Variants in FDPS observed in about 807,000 individuals in gnomAD.
The protein encoded by FDPS is farnesyl diphosphate synthase.
In FDPS, 29 loss-of-function variants were observed where a neutral mutation model predicts 49.5. That is an observed-to-expected ratio of 0.59 (90% CI 0.44 to 0.80). The LOEUF (loss-of-function observed/expected upper bound fraction) is 0.80. Ranked by LOEUF, FDPS falls within the 30% of genes least tolerant of loss-of-function variation. FDPS has a pLI of 0.00. For synonymous variants in FDPS, 172 were observed against 206.4 expected (o/e 0.83, Z 1.43); for missense variants, 414 against 525.6 (o/e 0.79, Z 2.08).
chr1:155,319,816 G>C lies in FDPS; in HGVS notation c.947G>C (p.Gly316Ala), dbSNP rs201526312. The C allele has an allele frequency of 3.1e-6, 5 of 1,614,094 alleles. No individual in the cohort carries two copies. In the Admixed American group the frequency reaches 6.7e-5, roughly 22 times the overall value. Residue 316 changes from glycine (G) to alanine (A), a missense_variant, in exon 10 of 11, where the codon GGG becomes GCG. By Grantham distance (60) the Gly-to-Ala change is moderately conservative. Coordinates refer to ENST00000368356, the MANE Select transcript of FDPS (RefSeq NM_002004.4). ...CAGGATGATTACCTTGACCTCTTTG[G>C]GGACCCCAGTGTGACCGGCAAAATT... ...QIQDDYLDLF[G>A]DPSVTGKIGT... is the part of the protein sequence containing the mutation.
intron 8 of FDPS, among the ~76,000 whole-genome samples, chr1:155,319,147 A>T (rs1649900135): frequency 6.6e-6 from 1 of 152,228 alleles, no homozygotes; most frequent in Non-Finnish European, 1.5e-5. Context: ...TGCTTAGCAC[A>T]TAATAGGGGA....
intron 8 of FDPS, 95 bp from the exon 9 acceptor site, chr1:155,319,516 T>G (rs1489207172): frequency 3.2e-6 from 4 of 1,251,808 alleles, no homozygotes; most frequent in Non-Finnish European, 4.6e-6. Context: ...AGGAAAGATT[T>G]GGGGCTGCAG....
chr1:155,309,616 T>TCGG, intron 1 of FDPS, 173 bp from the exon 2 acceptor site: 1 of 553,628 alleles, frequency 1.8e-6, no homozygotes, highest in Non-Finnish European at 3.1e-6. Flanking sequence ...CCATACTTTT[T>TCGG]TGTTCCCTGC....
rs1015602549 is a variant in FDPS, at chr1:155,318,347, T to C, written c.684+56T>C. 4 of 1,597,898 alleles carry C rather than the reference T, an allele frequency of 2.5e-6. No individual in the cohort carries two copies. In the African/African-American group the frequency reaches 4.0e-5, roughly 16 times the overall value. ...GGGTGCCCATGGTAGCCTTGGCCTC[T>C]ATAGGACATGCTCATCTAGCTGGTT... On this transcript the variant is annotated intron_variant, in intron 6 of 10. Coordinates refer to ENST00000368356, the MANE Select transcript of FDPS (RefSeq NM_002004.4). The surrounding 1 kb of genome is among the most constrained non-coding windows in gnomAD (Gnocchi z 4.2).
At chr1:155,312,158 G>C in intron 3 of FDPS, 97 bp from the exon 4 acceptor site, 1 of 1,424,384 alleles carries the variant, frequency 7.0e-7, no homozygotes, top group Non-Finnish European at 9.8e-7. Context: ...GGAGGATAAA[G>C]TTAGGTGGTG....
chr1:155,312,347 T>C lies in FDPS; in HGVS notation c.432T>C (p.Asp144=). 1 of 1,614,094 alleles carries C rather than the reference T, an allele frequency of 6.2e-7. No individual in the cohort carries two copies. Among genetic ancestry groups the C allele is most frequent in the African/African-American group, 1.3e-5 (1 of 75,036 alleles). ...FRELVEPRKQ[D]ADSLQRAWTV... ...AGCTGGTGGAGCCAAGGAAACAGGATGCTGATAGTCTCCAGCGGGCCTGGA... is the reference window on the plus strand; with the variant it reads ...AGCTGGTGGAGCCAAGGAAACAGGACGCTGATAGTCTCCAGCGGGCCTGGA... The change falls in exon 4 of 11, where the codon GAT becomes GAC. Residue 144 remains aspartate, a synonymous_variant. Coordinates refer to ENST00000368356, the MANE Select transcript of FDPS (RefSeq NM_002004.4).
At chr1:155,320,054 C>T in intron 10 of FDPS, 126 bp downstream of exon 10, 1 of 1,118,476 alleles carries the variant, frequency 8.9e-7, no homozygotes, top group Non-Finnish European at 1.3e-6. Context: ...TTGCCATTGT[C>T]ATTACAACTC....
chr1:155,312,847 C>T (rs1477405399), intron 4 of FDPS: 2 of 158,086 alleles, frequency 1.3e-5, no homozygotes, highest in Admixed American at 6.1e-5. Flanking sequence ...GATGTGGTGG[C>T]ACATGCCTGT....
chr1:155,320,031 C>T (rs953257548), intron 10 of FDPS, 103 bp downstream of exon 10: 6 of 1,373,720 alleles, frequency 4.4e-6, no homozygotes, highest in Non-Finnish European at 5.0e-6. Flanking sequence ...TTGGCAATGT[C>T]AGCAGACATT....
rs1309392455 is a variant in FDPS, at chr1:155,318,215, C to T, written c.608C>T (p.Ala203Val). ...DAINDANLLE[A>V]CIYRLLKLYC... ...ATCAATGATGCTAACCTCCTGGAAGCATGTATCTACCGCCTGCTGAAGCTC... is the reference window on the plus strand; with the variant it reads ...ATCAATGATGCTAACCTCCTGGAAGTATGTATCTACCGCCTGCTGAAGCTC... The change falls in exon 6 of 11, where the codon GCA becomes GTA. Residue 203 changes from alanine to valine, a missense_variant. By Grantham distance (64) the Ala-to-Val change is moderately conservative. Transcript: ENST00000368356. This position sits in a 1 kb window ranked among gnomAD's most constrained non-coding sequence, Gnocchi z 4.2. 1 of 1,614,090 alleles carries T rather than the reference C, an allele frequency of 6.2e-7. No individual in the cohort carries two copies. The highest frequency in any genetic ancestry group is 8.5e-7 in the Non-Finnish European group (1 of 1,180,014).
chr1:155,314,634 C>T (rs1649127461), intron 4 of FDPS, among the ~76,000 whole-genome samples: 1 of 151,938 alleles, frequency 6.6e-6, no homozygotes, highest in Non-Finnish European at 1.5e-5. Flanking sequence ...ACCACCACGC[C>T]CGGCTTTTTA....
intron 4 of FDPS, among the ~76,000 whole-genome samples, chr1:155,316,423 A>G (rs1381631497): frequency 2.0e-5 from 3 of 152,162 alleles, no homozygotes; most frequent in Non-Finnish European, 2.9e-5. Flanking sequence ...TTCAAGTCCA[A>G]CTTGGGCAAC....
In FDPS at chr1:155,318,164, G is replaced by C; in HGVS notation, c.562-5G>C. 6.2e-7 allele frequency: 1 copy of C among 1,614,092 alleles called. No individual in the cohort carries two copies. The highest frequency in any genetic ancestry group is 2.2e-5 in the East Asian group (1 of 44,884). ...GATTGCTTGTTTTTCTGTCTGTCAT[G>C]ACAGCCGGGCGTGGGTTTGGATGCC... On this transcript the variant is annotated splice_region_variant and splice_polypyrimidine_tract_variant and intron_variant, in intron 5 of 10. Coordinates refer to ENST00000368356, the MANE Select transcript of FDPS (RefSeq NM_002004.4). This position sits in a 1 kb window ranked among gnomAD's most constrained non-coding sequence, Gnocchi z 4.2.
rs760195975 is a variant in FDPS at position 155,317,899 on chromosome 1, C to T, written c.481-42C>T. The T allele has an allele frequency of 2.6e-6, 4 of 1,553,382 alleles. No homozygotes were observed. In the South Asian group the frequency reaches 3.4e-5, roughly 13 times the overall value. On this transcript the variant is annotated intron_variant, in intron 4 of 10. Transcript: ENST00000368356. The stretch of plus-strand genomic sequence containing the variant: ...GCAGCTCTGTTGCTGATAGAAGGAA[C>T]AGTAATGAGGAGCCCTGCAGGTCTT...
intron 10 of FDPS, 58 bp from the exon 11 acceptor site, chr1:155,320,351 G>A (rs1007147915): frequency 2.2e-6 from 3 of 1,394,310 alleles, no homozygotes; most frequent in Middle Eastern, 2.3e-4. Context: ...GGAGTGGAGG[G>A]GTCCTGGAGG....
Position 155,319,786 on chromosome 1 carries a change from C to T in FDPS, c.925-8C>T, listed in dbSNP as rs1162754467. On this transcript the variant is annotated splice_region_variant and splice_polypyrimidine_tract_variant and intron_variant, in intron 9 of 10. Coordinates refer to ENST00000368356, the MANE Select transcript of FDPS (RefSeq NM_002004.4). ...TCCTCTTTTGCTGCCCTCCCCCTCCCTGCCCAGGATGATTACCTTGACCTC... is the reference window on the plus strand; with the variant it reads ...TCCTCTTTTGCTGCCCTCCCCCTCCTTGCCCAGGATGATTACCTTGACCTC... 4 of 1,614,082 alleles carry T rather than the reference C, an allele frequency of 2.5e-6. No homozygotes were observed. The highest frequency in any genetic ancestry group is 3.4e-6 in the Non-Finnish European group (4 of 1,180,040).
chr1:155,316,472 C>T (rs1295711623), intron 4 of FDPS, among the ~76,000 whole-genome samples: 1 of 151,938 alleles, frequency 6.6e-6, no homozygotes, highest in Non-Finnish European at 1.5e-5. Context: ...GCAACCCAAA[C>T]CATGTCTTGA....
At chr1:155,310,305 A>C in intron 3 of FDPS, 100 bp downstream of exon 3, 1 of 984,574 alleles carries the variant, frequency 1.0e-6, no homozygotes, top group Non-Finnish European at 1.5e-6. Context: ...GACAGATGTG[A>C]GAGAAAGCTT....
At chr1:155,312,628 G>C (rs1648920019) in intron 4 of FDPS, 2 of 479,920 alleles carry the variant, frequency 4.2e-6, no homozygotes, top group Non-Finnish European at 7.6e-6. Context: ...GTGGACTGGG[G>C]CCTCGAGACT....
Sources: gnomAD v4.1 joint callset for allele counts (sites outside exome capture counted in the v4.1 genomes callset) on GRCh38, gnomAD v4.1.1 for gene constraint, Gnocchi (gnomAD v3.1) non-coding constraint, MANE v1.5 for transcripts, NCBI Gene and HGNC (gene_info 2026-07-23, HGNC 2026-07-21) for gene names.